TIPIN: variants seen among roughly 807,000 people sequenced by gnomAD.
TIPIN encodes TIMELESS interacting protein, also known as TIMELESS-interacting protein.
A neutral mutation model predicts 35.6 loss-of-function variants in TIPIN; 29 were observed. The observed-to-expected ratio is 0.82, with a 90% CI of 0.61 to 1.11. The LOEUF (loss-of-function observed/expected upper bound fraction) is 1.11. Ranked by LOEUF, TIPIN falls within the 50% of genes most tolerant of loss-of-function variation. The probability of loss-of-function intolerance (pLI) is 0.00; values close to 1 mark genes in which losing one functional copy is unlikely to be tolerated. For missense variants in TIPIN, 296 were observed against 345.4 expected, an observed-to-expected ratio of 0.86 and a Z score of 1.13; for synonymous variants, 102 against 121.5, an observed-to-expected ratio of 0.84 and a Z score of 1.06.
chr15:66,368,227 A>T (rs1001473251), intron 1 of TIPIN, among the ~76,000 whole-genome samples: 7 of 152,240 alleles, frequency 4.6e-5, no homozygotes, highest in Admixed American at 2.0e-4. Context: ...TTTTTAAAAA[A>T]ATAGTCTATA....
At chr15:66,337,602 G>A (rs887891467) in intron 7 of TIPIN, among the ~76,000 whole-genome samples, 3 of 151,850 alleles carry the variant, frequency 2.0e-5, no homozygotes, top group Non-Finnish European at 4.4e-5. Context: ...GATTACAGGC[G>A]TGAGCTACCA....
intron 2 of TIPIN, 71 bp downstream of exon 2, chr15:66,352,744 G>A: frequency 6.8e-7 from 1 of 1,479,420 alleles, no homozygotes; most frequent in Non-Finnish European, 9.0e-7. Context: ...GCATCCCAAA[G>A]TGCTGGAATT....
At position 66,336,214 on chromosome 15, in the gene TIPIN, T is replaced by A. The variant is rs936313228; in HGVS notation, c.*744A>T. 6.6e-6 allele frequency: 1 copy of A among 152,202 alleles called. No individual in the cohort carries two copies. The highest frequency in any genetic ancestry group is 2.4e-5 in the African/African-American group (1 of 41,454). The allele number at this position is 152,202 out of a possible 1,614,324, so 9.4% of individuals were successfully genotyped here. A position where few individuals can be genotyped will look rare whatever the true frequency, so the allele number is the denominator to read the frequency against. On this transcript the variant is annotated 3_prime_UTR_variant, in exon 8 of 8. Coordinates refer to ENST00000261881, the MANE Select transcript of TIPIN (RefSeq NM_017858.3). The stretch of plus-strand genomic sequence containing the variant: ...GATAGTTTTTAAGATAATTTTTACT[T>A]CTTTTAAAAAATTGACATTAATATT...
At chr15:66,340,981 TTCTC>T (rs1018773173) in intron 7 of TIPIN, among the ~76,000 whole-genome samples, 165 bp downstream of exon 7, 2 of 152,124 alleles carry the variant, frequency 1.3e-5, no homozygotes, top group African/African-American at 2.4e-5. Context: ...AACACAGCCA[TTCTC>T]TCTCTCCTCT....
chr15:66,342,487 C>T (rs2093095785), intron 6 of TIPIN, among the ~76,000 whole-genome samples: 1 of 152,088 alleles, frequency 6.6e-6, no homozygotes, highest in South Asian at 2.1e-4. Context: ...CATCAGCCTC[C>T]CGAGAAGCTG....
upstream of TIPIN, among the ~76,000 whole-genome samples, chr15:66,359,219 C>A (rs2093220959): frequency 6.6e-6 from 1 of 151,400 alleles, no homozygotes; most frequent in African/African-American, 2.4e-5. Context: ...AGTAAATTAC[C>A]AATTCTGTCT....
chr15:66,346,569 T>G (rs2140452320), intron 6 of TIPIN, among the ~76,000 whole-genome samples: 1 of 152,226 alleles, frequency 6.6e-6, no homozygotes, highest in East Asian at 1.9e-4. Context: ...CAATGTTGTA[T>G]GTCTGATTCA....
At chr15:66,366,385 C>CAGACA (rs2093254342) in intron 1 of TIPIN, among the ~76,000 whole-genome samples, 2 of 151,724 alleles carry the variant, frequency 1.3e-5, no homozygotes, top group East Asian at 3.9e-4. Flanking sequence ...ATCTGGGAGG[C>CAGACA]AGAGGTTGCA....
rs887510727 is a variant in TIPIN at position 66,370,218 on chromosome 15, G to A, written c.-9+16389C>T. Among the ~76,000 whole-genome samples, 15 of 152,048 alleles carry A rather than the reference G, an allele frequency of 9.9e-5. 1 individual carries two copies. The highest frequency in any genetic ancestry group is 3.4e-4 in the African/African-American group (14 of 41,398). The stretch of plus-strand genomic sequence containing the variant: ...AAAAAGCAAAATACCACAGTACCAC[G>A]TCTGCCAAGCCAGAACGAGGTCCCT... On this transcript the variant is annotated intron_variant, in intron 1 of 7. Coordinates refer to the TIPIN transcript ENST00000562124.
In TIPIN at chr15:66,336,992, T is replaced by C. The variant is rs2093048770; in HGVS notation, c.872A>G (p.Asp291Gly). ...QSFKNVQQQL[D>G]ATSRNITEAR is the part of the protein sequence containing the mutation. ...TTCAGTAATATTTCTGGATGTAGCA[T>C]CAAGTTGCTGTTGCACATTTTTAAA... Residue 291 changes from aspartate to glycine, a missense_variant, in exon 8 of 8, where the codon GAT becomes GGT. Physicochemically the swap from Asp to Gly is moderately conservative, Grantham distance 94. Coordinates refer to ENST00000261881, the MANE Select transcript of TIPIN (RefSeq NM_017858.3). 3 of 1,613,314 alleles carry C rather than the reference T, an allele frequency of 1.9e-6. No homozygotes were observed. The highest frequency in any genetic ancestry group is 2.2e-5 in the East Asian group (1 of 44,846).
At chr15:66,341,419 G>GAAAAAAAAAA in intron 6 of TIPIN, 63 bp from the exon 7 acceptor site, 1 of 1,450,996 alleles carries the variant, frequency 6.9e-7, no homozygotes, top group African/African-American at 1.4e-5. Flanking sequence ...GCTTCTCATT[G>GAAAAAAAAAA]AAAAAGAATT....
chr15:66,366,720 A>C, intron 1 of TIPIN: 2 of 632,596 alleles, frequency 3.2e-6, no homozygotes, highest in Non-Finnish European at 3.9e-6. Context: ...TCAGCTGAGA[A>C]TGCACCATTG....
intron 3 of TIPIN, 115 bp from the exon 4 acceptor site, chr15:66,351,715 G>A: frequency 1.2e-6 from 1 of 803,270 alleles, no homozygotes; most frequent in Non-Finnish European, 1.9e-6. Flanking sequence ...TCGGGTCACT[G>A]CAAGCTCGGC....
intron 4 of TIPIN, among the ~76,000 whole-genome samples, chr15:66,351,093 T>TGC (rs2093164771): frequency 1.3e-3 from 1 of 754 alleles, no homozygotes; most frequent in Non-Finnish European, 5.7e-3. Context: ...TGTAAAGTGA[T>TGC]TCAGTTACTA....
chr15:66,349,118 A>T lies in TIPIN; in HGVS notation c.417T>A (p.Cys139Ter). 6.2e-7 allele frequency: 1 copy of T among 1,610,922 alleles called. No individual in the cohort carries two copies. Among genetic ancestry groups the T allele is most frequent in the South Asian group, 1.1e-5 (1 of 90,890 alleles). Residue 139 changes from cysteine to a stop codon, truncating the protein, a stop_gained, in exon 6 of 8, where the codon TGT (cysteine) becomes TGA (stop). Transcript: ENST00000261881. LOFTEE classifies it high-confidence loss of function. ...GGAGATCAAGTCGAATTCGTTTTAA[A>T]CAGGTCTGAAAATGAAAAGAGATTA... ...YLGSKKEVQT[C>*]LKRIRLDLPI... is the part of the protein sequence containing the mutation.
intron 3 of TIPIN, among the ~76,000 whole-genome samples, chr15:66,351,882 G>A (rs542912281): frequency 3.9e-5 from 6 of 152,046 alleles, no homozygotes; most frequent in East Asian, 3.9e-4. Context: ...CTCGTGATCC[G>A]CCCACGTAGG....
intron 1 of TIPIN, among the ~76,000 whole-genome samples, chr15:66,363,810 A>C (rs1034069990): frequency 4.6e-5 from 7 of 151,374 alleles, no homozygotes; most frequent in Non-Finnish European, 7.4e-5. Context: ...GTGAAACCAC[A>C]TCTCTGTTAA....
chr15:66,353,045 A>G (rs774267531), intron 1 of TIPIN, 90 bp from the exon 2 acceptor site: 13 of 1,296,694 alleles, frequency 1.0e-5, no homozygotes, highest in Non-Finnish European at 1.3e-5. Flanking sequence ...CATGTGTTTC[A>G]ATCAGTTAGA....
At chr15:66,352,263 ATT>A in intron 2 of TIPIN, 56 bp from the exon 3 acceptor site, 3 of 1,321,378 alleles carry the variant, frequency 2.3e-6, no homozygotes, top group Non-Finnish European at 3.2e-6. Flanking sequence ...TGTATTATTT[ATT>A]ATGTATCATT....
Sources: allele counts gnomAD v4.1 joint callset (sites outside exome capture counted in the v4.1 genomes callset), GRCh38; gene constraint gnomAD v4.1.1; transcripts MANE v1.5; gene names NCBI Gene and HGNC (gene_info 2026-07-23, HGNC 2026-07-21).